RBL1: variants seen among roughly 807,000 people sequenced by gnomAD.
The protein encoded by RBL1 is RB transcriptional corepressor like 1, also known as retinoblastoma-like protein 1.
In RBL1, 82 loss-of-function variants were observed where a neutral mutation model predicts 123.0. The ratio of observed to expected loss-of-function variants is 0.67; its 90% CI spans 0.56 to 0.80. The LOEUF is 0.80. Ranked by LOEUF, RBL1 falls within the 30% of genes least tolerant of loss-of-function variation. The pLI, the probability that RBL1 is intolerant of heterozygous loss-of-function variation, is 0.00. For synonymous variants in RBL1, 405 were observed against 441.3 expected, an observed-to-expected ratio of 0.92 and a Z score of 1.03; for missense variants, 1,171 against 1,299.6, an observed-to-expected ratio of 0.90 and a Z score of 1.52.
At chr20:37,045,573 T>A (rs138479331) in intron 12 of RBL1, among the ~76,000 whole-genome samples, 10 of 152,006 alleles carry the variant, frequency 6.6e-5, no homozygotes, top group African/African-American at 1.9e-4. Context: ...GGCAACATAG[T>A]GAAACCGAGT....
At chr20:37,031,949 T>G (rs2146245909) in intron 16 of RBL1, among the ~76,000 whole-genome samples, 1 of 149,966 alleles carries the variant, frequency 6.7e-6, no homozygotes, top group East Asian at 2.0e-4. Flanking sequence ...GGTCTCACTG[T>G]GTCGCCCAGG....
intron 21 of RBL1, among the ~76,000 whole-genome samples, chr20:37,002,334 C>CT (rs2063998489): frequency 1.9e-5 from 2 of 107,830 alleles, no homozygotes. Flanking sequence ...CTAGCCTTAT[C>CT]TGTTTTTTTT....
At chr20:37,033,614 C>CT (rs1379232315) in intron 15 of RBL1, among the ~76,000 whole-genome samples, 4,364 of 125,732 alleles carry the variant, frequency 0.035, 110 homozygotes, top group African/African-American at 0.054. Context: ...TGCAGCTGGA[C>CT]TTTTTTTTTT....
At position 37,067,699 on chromosome 20, in the gene RBL1, G is replaced by T. The variant is rs192079708; in HGVS notation, c.491+287C>A. ...GTAGGAGAATTGCTTGAACCTGGGA[G>T]ACAGAGGTTGCAGTGAGCCGAGATC... is the stretch of plus-strand genomic sequence containing the variant. On this transcript the variant is annotated intron_variant, in intron 3 of 21. Coordinates refer to ENST00000373664, the MANE Select transcript of RBL1 (RefSeq NM_002895.5). 4.3e-4 allele frequency among the ~76,000 whole-genome samples: 58 copies of T among 134,852 alleles called. No individual in the cohort carries two copies. The East Asian group carries it at 9.9e-3, about 23-fold the overall frequency. The allele number at this position is 134,852 out of a possible 152,430, so 88.5% of individuals were successfully genotyped here.
At chr20:37,029,493 C>T (rs868232866) in intron 16 of RBL1, among the ~76,000 whole-genome samples, 1 of 152,264 alleles carries the variant, frequency 6.6e-6, no homozygotes, top group Middle Eastern at 3.4e-3. Context: ...ACATCATACT[C>T]AAATTGAAAA....
intron 1 of RBL1, among the ~76,000 whole-genome samples, chr20:37,095,327 C>A (rs1159837003): frequency 6.6e-6 from 1 of 152,174 alleles, no homozygotes; most frequent in African/African-American, 2.4e-5. Context: ...TGTAGCTTAA[C>A]CCGTCTAGGG....
intron 1 of RBL1, among the ~76,000 whole-genome samples, chr20:37,094,427 C>T (rs1744765): frequency 0.86 from 130,327 of 152,132 alleles, 56,556 homozygotes; most frequent in African/African-American, 0.96. Flanking sequence ...TCAGGTACTA[C>T]TCCTTCATAT....
chr20:37,082,785 T>C (rs1258797816), intron 2 of RBL1, among the ~76,000 whole-genome samples: 2 of 151,132 alleles, frequency 1.3e-5, no homozygotes, highest in Admixed American at 1.3e-4. Context: ...TCACTTGAGC[T>C]CAGGACTTCA....
At chr20:37,047,325 G>A in intron 11 of RBL1, 135 bp from the exon 12 acceptor site, 1 of 1,051,942 alleles carries the variant, frequency 9.5e-7, no homozygotes, top group Non-Finnish European at 1.3e-6. Flanking sequence ...ATAAAAATTT[G>A]AGTTCTCAAA....
At chr20:36,998,980 G>A in intron 21 of RBL1, 51 bp from the exon 22 acceptor site, 1 of 1,530,040 alleles carries the variant, frequency 6.5e-7, no homozygotes, top group Non-Finnish European at 9.0e-7. Context: ...AGGGGAAATG[G>A]CAGCAAACAA....
intron 13 of RBL1, among the ~76,000 whole-genome samples, chr20:37,041,523 A>G (rs918831625): frequency 1.3e-5 from 2 of 152,018 alleles, no homozygotes; most frequent in East Asian, 1.9e-4. Flanking sequence ...GGGTTTCACC[A>G]TATTGGCCAG....
intron 2 of RBL1, chr20:37,081,785 A>G: frequency 3.0e-6 from 1 of 330,250 alleles, no homozygotes; most frequent in East Asian, 8.5e-5. Context: ...CCTTAGAAGC[A>G]GAACTTTAAT....
At chr20:37,073,705 G>GAAAAGAA (rs1377269415) in intron 2 of RBL1, among the ~76,000 whole-genome samples, 1 of 103,140 alleles carries the variant, frequency 9.7e-6, no homozygotes, top group Non-Finnish European at 1.8e-5. Flanking sequence ...CTCAAAAAAA[G>GAAAAGAA]AAAAAAAAAA....
chr20:37,091,281 C>T (rs2065641585), intron 1 of RBL1, among the ~76,000 whole-genome samples: 1 of 151,792 alleles, frequency 6.6e-6, no homozygotes, highest in Non-Finnish European at 1.5e-5. Context: ...TCACTTGAAC[C>T]TAGGAGGTGG....
At position 36,997,054 on chromosome 20, in the gene RBL1, C is replaced by A. The variant is rs537480887; in HGVS notation, c.*1705G>T. 6.6e-6 allele frequency: 1 copy of A among 152,252 alleles called. No homozygotes were observed. Among genetic ancestry groups the A allele is most frequent in the African/African-American group, 2.4e-5 (1 of 41,530 alleles). The allele number at this position is 152,252 out of a possible 1,614,324, so 9.4% of individuals were successfully genotyped here. A position where few individuals can be genotyped will look rare whatever the true frequency, so the allele number is the denominator to read the frequency against. On this transcript the variant is annotated 3_prime_UTR_variant, in exon 22 of 22. Coordinates refer to ENST00000373664, the MANE Select transcript of RBL1 (RefSeq NM_002895.5). ...AACATAGGTGAGTTAAACATTGTGC[C>A]TTTCCAAAATTAAGGTTTGCAGTTA...
chr20:37,013,015 C>T (rs2064188333), intron 19 of RBL1, among the ~76,000 whole-genome samples: 2 of 152,120 alleles, frequency 1.3e-5, no homozygotes, highest in South Asian at 2.1e-4. Context: ...AGGTGAGGGG[C>T]GCCTCTGCCC....
chr20:37,031,419 T>C (rs1000270909), intron 16 of RBL1, among the ~76,000 whole-genome samples: 15 of 152,128 alleles, frequency 9.9e-5, no homozygotes, highest in African/African-American at 2.9e-4. Flanking sequence ...TGAAGATATA[T>C]AGATGGGCAA....
At chr20:37,053,799 T>G (rs1317416208) in intron 11 of RBL1, among the ~76,000 whole-genome samples, 14 of 152,154 alleles carry the variant, frequency 9.2e-5, no homozygotes, top group Admixed American at 4.6e-4. Context: ...TATACATTCT[T>G]TTCAAGTGGC....
intron 1 of RBL1, among the ~76,000 whole-genome samples, chr20:37,091,411 G>T (rs182921082): frequency 1.3e-5 from 2 of 151,794 alleles, no homozygotes; most frequent in East Asian, 3.9e-4. Context: ...GCTCATGCTC[G>T]TAACCCCAGC....
Sources: allele counts gnomAD v4.1 joint callset (sites outside exome capture counted in the v4.1 genomes callset), GRCh38; gene constraint gnomAD v4.1.1; transcripts MANE v1.5; gene names NCBI Gene and HGNC (gene_info 2026-07-23, HGNC 2026-07-21).